The following NFIA variants were observed in gnomAD, a reference collection of about 807,000 sequenced individuals.
NFIA encodes the protein nuclear factor 1 A-type.
NFIA carries 8 observed loss-of-function variants against 62.8 expected under a neutral mutation model. That is an observed-to-expected ratio of 0.13 (90% CI 0.07 to 0.23). The LOEUF (loss-of-function observed/expected upper bound fraction) is 0.23, where lower values mean the gene tolerates loss of function less well. Among genes scored for constraint, NFIA ranks in the 10% least tolerant of loss-of-function variants. NFIA has a pLI of 1.00. For missense variants in NFIA, 410 were observed against 642.1 expected, an observed-to-expected ratio of 0.64 and a Z score of 3.91; for synonymous variants, 235 against 238.1, an observed-to-expected ratio of 0.99 and a Z score of 0.12.
At chr1:61,274,192 A>G (rs17121897) in intron 2 of NFIA, among the ~76,000 whole-genome samples, 228 of 152,342 alleles carry the variant, frequency 1.5e-3, no homozygotes, top group African/African-American at 5.1e-3. Flanking sequence ...ATAAAACTGC[A>G]TAGGTGGATG....
At chr1:61,111,765 G>C (rs1478155024) in intron 2 of NFIA, among the ~76,000 whole-genome samples, 2 of 152,028 alleles carry the variant, frequency 1.3e-5, no homozygotes, top group Non-Finnish European at 2.9e-5. Context: ...GTTAATGTCC[G>C]TTACTGCTAG....
chr1:61,450,982 G>T (rs1321319799), intron 10 of NFIA, among the ~76,000 whole-genome samples: 1 of 152,124 alleles, frequency 6.6e-6, no homozygotes, highest in Non-Finnish European at 1.5e-5. Flanking sequence ...TGTTGCTAAC[G>T]CAGGGGTTGA....
At chr1:61,305,148 C>G (rs1427161053) in intron 3 of NFIA, among the ~76,000 whole-genome samples, 1 of 151,856 alleles carries the variant, frequency 6.6e-6, no homozygotes, top group Non-Finnish European at 1.5e-5. Context: ...AAGCAGTAAC[C>G]CCTTAAAAGG....
chr1:61,189,643 C>T lies in NFIA; in HGVS notation c.560-87877C>T, dbSNP rs112981724. On this transcript the variant is annotated intron_variant, in intron 2 of 10. Transcript: ENST00000403491. ...TCGGGCCACTGCACTCCAGCCTGGG[C>T]GACAGAGCAAGACTCCATCTCAAAA... is the stretch of plus-strand genomic sequence containing the variant. Among the ~76,000 whole-genome samples the T allele has an allele frequency of 3.7e-3, 569 of 152,056 alleles. 4 individuals are homozygous for T. Among genetic ancestry groups the T allele is most frequent in the African/African-American group, 0.013 (537 of 41,484 alleles).
chr1:61,394,452 C>T (rs1017905980), intron 7 of NFIA, among the ~76,000 whole-genome samples: 1 of 151,992 alleles, frequency 6.6e-6, no homozygotes, highest in African/African-American at 2.4e-5. Context: ...GGATTACAGG[C>T]GTGAGCCACC....
intron 6 of NFIA, among the ~76,000 whole-genome samples, chr1:61,368,601 C>T (rs969125885): frequency 1.3e-5 from 2 of 152,110 alleles, no homozygotes; most frequent in African/African-American, 4.8e-5. Flanking sequence ...TTGAAAAGAT[C>T]AAATGAGATG....
At chr1:61,346,827 A>G (rs1468626269) in intron 4 of NFIA, among the ~76,000 whole-genome samples, 1 of 152,196 alleles carries the variant, frequency 6.6e-6, no homozygotes, top group Non-Finnish European at 1.5e-5. Flanking sequence ...TCACAGTTCT[A>G]CATGGCTGGG....
intron 5 of NFIA, among the ~76,000 whole-genome samples, chr1:61,354,503 A>G (rs1662725177): frequency 6.6e-6 from 1 of 152,188 alleles, no homozygotes; most frequent in Non-Finnish European, 1.5e-5. Context: ...ATTCTTCACA[A>G]TAATTTGACA....
At chr1:61,445,936 AC>A (rs1402987492) in intron 10 of NFIA, among the ~76,000 whole-genome samples, 1 of 151,854 alleles carries the variant, frequency 6.6e-6, no homozygotes, top group Non-Finnish European at 1.5e-5. Context: ...CCATGATCTG[AC>A]TTTTTCCATA....
At chr1:61,301,808 C>T (rs1268925726) in intron 3 of NFIA, among the ~76,000 whole-genome samples, 3 of 152,190 alleles carry the variant, frequency 2.0e-5, no homozygotes, top group African/African-American at 7.2e-5. Flanking sequence ...AAAGCAGTTT[C>T]TCCTGTGGAA....
rs532065463 is a variant in NFIA at position 61,088,837 on chromosome 1, T to C, written c.559+157T>C. Among the ~76,000 whole-genome samples the C allele has an allele frequency of 4.6e-5, 7 of 152,284 alleles. No homozygotes were observed. Among genetic ancestry groups the C allele is most frequent in the African/African-American group, 1.7e-4 (7 of 41,560 alleles). On this transcript the variant is annotated intron_variant, in intron 2 of 10. Coordinates refer to ENST00000403491, the MANE Select transcript of NFIA (RefSeq NM_001134673.4). The surrounding 1 kb of genome is among the most constrained non-coding windows in gnomAD (Gnocchi z 4.5). The stretch of plus-strand genomic sequence containing the variant: ...AGATTGAGAGAGGTGCCACCTTCAT[T>C]CAGGTGAAAAAGCATAGCTTTGAGC...
intron 2 of NFIA, among the ~76,000 whole-genome samples, chr1:61,257,329 G>GTTTTTT (rs67912567): frequency 3.7e-5 from 2 of 54,696 alleles, no homozygotes; most frequent in Non-Finnish European, 6.6e-5. Flanking sequence ...TTACTGCGTT[G>GTTTTTT]TTTTTTTTTT....
At chr1:61,174,832 A>G (rs925228214) in intron 2 of NFIA, among the ~76,000 whole-genome samples, 2 of 152,146 alleles carry the variant, frequency 1.3e-5, no homozygotes, top group African/African-American at 2.4e-5. Context: ...ATTTGCTGAG[A>G]CTGAAGTTGG....
intron 2 of NFIA, among the ~76,000 whole-genome samples, chr1:61,198,056 AAGTAG>A (rs1463465000): frequency 2.6e-5 from 4 of 152,240 alleles, no homozygotes; most frequent in Admixed American, 6.5e-5. Context: ...TTCCCACTTC[AAGTAG>A]AGTAAACAGG....
At chr1:61,420,182 T>C (rs1666542126) in intron 9 of NFIA, among the ~76,000 whole-genome samples, 1 of 152,214 alleles carries the variant, frequency 6.6e-6, no homozygotes, top group Admixed American at 6.5e-5. Flanking sequence ...CCTGTAAACT[T>C]GTCGATACCA....
At chr1:61,083,429 G>C (rs1646156003) in intron 1 of NFIA, among the ~76,000 whole-genome samples, 1 of 152,092 alleles carries the variant, frequency 6.6e-6, no homozygotes, top group Admixed American at 6.5e-5. Flanking sequence ...GTCAGCCTTC[G>C]GGGTCCGGCC....
intron 9 of NFIA, among the ~76,000 whole-genome samples, chr1:61,418,677 A>T (rs569209573): frequency 3.6e-4 from 55 of 152,338 alleles, no homozygotes; most frequent in Admixed American, 7.2e-4. Flanking sequence ...CAATGTATGG[A>T]TGAAGCATTA....
At chr1:61,195,422 G>T (rs1651925619) in intron 2 of NFIA, among the ~76,000 whole-genome samples, 1 of 152,074 alleles carries the variant, frequency 6.6e-6, no homozygotes, top group Non-Finnish European at 1.5e-5. Flanking sequence ...TCAATCGTTT[G>T]TATTTCAAGG....
intron 2 of NFIA, among the ~76,000 whole-genome samples, chr1:61,119,239 A>G (rs1162546232): frequency 1.3e-5 from 2 of 152,144 alleles, no homozygotes; most frequent in Non-Finnish European, 2.9e-5. Context: ...GGCTTACTCA[A>G]GGCCCAAAGT....
Sources: gnomAD v4.1 joint callset for allele counts (sites outside exome capture counted in the v4.1 genomes callset) on GRCh38, gnomAD v4.1.1 for gene constraint, Gnocchi (gnomAD v3.1) non-coding constraint, MANE v1.5 for transcripts, NCBI Gene and HGNC (gene_info 2026-07-23, HGNC 2026-07-21) for gene names.